The following FTO variants were observed in gnomAD, a reference collection of about 807,000 sequenced individuals.
FTO encodes the protein alpha-ketoglutarate-dependent dioxygenase FTO.
Under a neutral mutation model 63.9 loss-of-function variants are expected in FTO, and 47 were observed. The ratio of observed to expected loss-of-function variants is 0.74; its 90% CI spans 0.58 to 0.94. The LOEUF is 0.94. Among genes scored for constraint, FTO ranks in the 40% least tolerant of loss-of-function variants. FTO has a pLI of 0.00. For synonymous variants in FTO, 207 were observed against 224.4 expected (o/e 0.92, Z 0.69); for missense variants, 562 against 618.1 (o/e 0.91, Z 0.96).
At chr16:53,923,387 A>T (rs956242298) in intron 7 of FTO, among the ~76,000 whole-genome samples, 1 of 152,228 alleles carries the variant, frequency 6.6e-6, no homozygotes, top group African/African-American at 2.4e-5. Flanking sequence ...TTTCCTGTAC[A>T]TTAAAACAAC....
chr16:53,770,441 C>G (rs2077308464), intron 1 of FTO, among the ~76,000 whole-genome samples: 2 of 152,068 alleles, frequency 1.3e-5, no homozygotes, highest in African/African-American at 4.8e-5. Flanking sequence ...TGCAGAGAAA[C>G]CTTTTAATGT....
intron 8 of FTO, among the ~76,000 whole-genome samples, chr16:54,037,873 G>C (rs1284628658): frequency 6.6e-6 from 1 of 152,188 alleles, no homozygotes; most frequent in Admixed American, 6.5e-5. Flanking sequence ...TGTTAGAATA[G>C]TAGTATTACG....
chr16:53,968,421 A>C (rs16952703), intron 8 of FTO, among the ~76,000 whole-genome samples: 3,760 of 152,318 alleles, frequency 0.025, 138 homozygotes, highest in African/African-American at 0.086. Flanking sequence ...TTGGCAACAT[A>C]AAACCAAGTA....
At chr16:54,086,341 G>T (rs1024075236) in intron 8 of FTO, among the ~76,000 whole-genome samples, 2 of 152,150 alleles carry the variant, frequency 1.3e-5, no homozygotes, top group South Asian at 4.1e-4. Flanking sequence ...GCTGGCAAGG[G>T]CACTGCAGGA....
intron 8 of FTO, among the ~76,000 whole-genome samples, chr16:54,086,508 ACT>A (rs578001918): frequency 1.2e-4 from 19 of 152,246 alleles, no homozygotes; most frequent in African/African-American, 4.6e-4. Context: ...CTAATGATCA[ACT>A]CTATTACACC....
intron 1 of FTO, among the ~76,000 whole-genome samples, chr16:53,768,901 G>A (rs1215466683): frequency 1.3e-5 from 2 of 152,074 alleles, no homozygotes; most frequent in African/African-American, 4.8e-5. Context: ...GTTTATTTTG[G>A]ATGTCCTTTT....
At chr16:53,788,778 G>A (rs961905710) in intron 1 of FTO, among the ~76,000 whole-genome samples, 1 of 152,016 alleles carries the variant, frequency 6.6e-6, no homozygotes, top group African/African-American at 2.4e-5. Context: ...GACCTTGGGT[G>A]TCTCTTACTT....
At chr16:53,722,168 C>G (rs1251531036) in intron 1 of FTO, among the ~76,000 whole-genome samples, 1 of 152,158 alleles carries the variant, frequency 6.6e-6, no homozygotes, top group Non-Finnish European at 1.5e-5. Context: ...AAGTATGATA[C>G]TAACGGTAAG....
intron 5 of FTO, among the ~76,000 whole-genome samples, chr16:53,874,635 C>A (rs1356470716): frequency 1.3e-5 from 2 of 152,154 alleles, no homozygotes; most frequent in Admixed American, 1.3e-4. Flanking sequence ...AGTGGTACAA[C>A]AAAGTGAGAG....
rs2078641512 is a variant in FTO, at chr16:53,815,221, C to G, written c.123+5004C>G. ...TGGAGCAAAGCGTGACAGGATGTCA[C>G]TTACATTTTAATAAGGATTCTTTCT... is the stretch of plus-strand genomic sequence containing the variant. On this transcript the variant is annotated intron_variant, in intron 2 of 8. Coordinates refer to ENST00000471389, the MANE Select transcript of FTO (RefSeq NM_001080432.3). Among the ~76,000 whole-genome samples the G allele has an allele frequency of 2.6e-5, 4 of 152,140 alleles. No homozygotes were observed. The South Asian group carries it at 8.3e-4, about 32-fold the overall frequency.
intron 7 of FTO, among the ~76,000 whole-genome samples, chr16:53,924,326 T>G (rs1305757741): frequency 1.3e-5 from 2 of 152,212 alleles, no homozygotes; most frequent in Non-Finnish European, 2.9e-5. Flanking sequence ...CTCATAGACA[T>G]TCTTGATTAC....
chr16:53,854,796 TA>T (rs765199125), intron 4 of FTO, among the ~76,000 whole-genome samples: 46 of 152,272 alleles, frequency 3.0e-4, no homozygotes, highest in African/African-American at 9.6e-4. Context: ...ATTTTAGGAT[TA>T]TTTTTTTCTA....
intron 8 of FTO, chr16:54,052,421 A>G (rs1051292302): frequency 2.2e-4 from 34 of 152,198 alleles, no homozygotes; most frequent in Admixed American, 2.0e-3. Context: ...GTGCAGCTGG[A>G]TGGCTGGTTT....
intron 7 of FTO, among the ~76,000 whole-genome samples, chr16:53,891,346 C>CTTTT (rs5816910): frequency 2.0e-5 from 3 of 147,338 alleles, no homozygotes; most frequent in Non-Finnish European, 4.5e-5. Flanking sequence ...TGTTCAAGAG[C>CTTTT]TTTTTTTTTT....
intron 5 of FTO, among the ~76,000 whole-genome samples, chr16:53,875,739 C>G (rs1200592864): frequency 2.0e-5 from 3 of 152,188 alleles, no homozygotes; most frequent in Non-Finnish European, 2.9e-5. Context: ...TTATAGTGTT[C>G]AAGGTATTCT....
At chr16:53,757,769 A>G (rs1384907779) in intron 1 of FTO, among the ~76,000 whole-genome samples, 1 of 152,090 alleles carries the variant, frequency 6.6e-6, no homozygotes, top group African/African-American at 2.4e-5. Context: ...ATAAATTTCA[A>G]TCTCTTTTTC....
chr16:53,909,885 A>AT (rs1200082641), intron 7 of FTO, among the ~76,000 whole-genome samples: 4 of 151,386 alleles, frequency 2.6e-5, no homozygotes, highest in South Asian at 2.1e-4. Context: ...TTTTTAAACA[A>AT]TTTTTTTTAA....
At chr16:53,914,002 A>C (rs541033602) in intron 7 of FTO, among the ~76,000 whole-genome samples, 1 of 150,820 alleles carries the variant, frequency 6.6e-6, no homozygotes, top group East Asian at 1.9e-4. Flanking sequence ...AAAAAAAAAA[A>C]GCTGGTCATA....
intron 1 of FTO, among the ~76,000 whole-genome samples, chr16:53,760,188 A>T (rs964529498): frequency 6.7e-6 from 1 of 148,630 alleles, no homozygotes; most frequent in Non-Finnish European, 1.5e-5. Flanking sequence ...CCTGTCTACC[A>T]GTTAGTCTTC....
Sources: allele counts gnomAD v4.1 joint callset (sites outside exome capture counted in the v4.1 genomes callset), GRCh38; gene constraint gnomAD v4.1.1; transcripts MANE v1.5; gene names NCBI Gene and HGNC (gene_info 2026-07-23, HGNC 2026-07-21).